The following DAB1 variants were observed in gnomAD, a reference collection of about 807,000 sequenced individuals.
DAB1 encodes the protein DAB adaptor protein 1.
DAB1 carries 15 observed loss-of-function variants against 64.6 expected under a neutral mutation model. The ratio of observed to expected loss-of-function variants is 0.23; its 90% CI spans 0.16 to 0.36. The LOEUF is 0.36. Among genes scored for constraint, DAB1 ranks in the 10% least tolerant of loss-of-function variants. The probability of loss-of-function intolerance (pLI) is 1.00; values close to 1 mark genes in which losing one functional copy is unlikely to be tolerated. For synonymous variants in DAB1, 235 were observed against 251.9 expected (o/e 0.93, Z 0.64); for missense variants, 596 against 706.7 (o/e 0.84, Z 1.78).
chr1:58,489,088 A>G (rs1407257289), intron 3 of DAB1, among the ~76,000 whole-genome samples: 1 of 152,192 alleles, frequency 6.6e-6, no homozygotes, highest in Non-Finnish European at 1.5e-5. Flanking sequence ...ATTGTTGGCC[A>G]GTGGGTGCAG....
chr1:57,019,269 G>A (rs971351105), intron 11 of DAB1, among the ~76,000 whole-genome samples: 6 of 152,114 alleles, frequency 3.9e-5, no homozygotes, highest in African/African-American at 4.8e-5. Flanking sequence ...CATTTTTCCC[G>A]GTGTCTAATT....
chr1:58,074,564 G>GTATATATATA lies in DAB1; in HGVS notation n.387+75937_387+75946dup, dbSNP rs375821412. On this transcript the variant is annotated intron_variant and non_coding_transcript_variant, in intron 5 of 20. Transcript: ENST00000485760. The stretch of plus-strand genomic sequence containing the variant: ...TATATACACACATATATATATGTGT[G>GTATATATATA]TATATATATATATATATATATATAT... 107 of 91,630 alleles carry GTATATATATA rather than the reference G, an allele frequency of 1.2e-3. 2 individuals carry two copies. Among genetic ancestry groups the GTATATATATA allele is most frequent in the African/African-American group, 4.3e-3 (98 of 22,954 alleles). 5.7% of individuals were successfully genotyped at this position (91,630 alleles called of 1,614,324 possible). A position where few individuals can be genotyped will look rare whatever the true frequency, so the allele number is the denominator to read the frequency against.
chr1:57,071,227 C>T (rs372353571), intron 6 of DAB1, 166 bp from the exon 7 acceptor site: 2 of 690,338 alleles, frequency 2.9e-6, no homozygotes. Context: ...TCCTTAGAGC[C>T]ACTCCCACCT....
At chr1:57,493,361 C>A (rs755053923) in intron 7 of DAB1, among the ~76,000 whole-genome samples, 1 of 152,000 alleles carries the variant, frequency 6.6e-6, no homozygotes, top group African/African-American at 2.4e-5. Flanking sequence ...CTATATTGGG[C>A]AACTTGTATG....
intron 2 of DAB1, among the ~76,000 whole-genome samples, chr1:57,199,507 C>T (rs1557922365): frequency 6.6e-6 from 1 of 152,170 alleles, no homozygotes; most frequent in Non-Finnish European, 1.5e-5. Flanking sequence ...GGAAATGTAA[C>T]CATAGCCATG....
chr1:58,300,578 A>G (rs539718089), intron 4 of DAB1, among the ~76,000 whole-genome samples: 12 of 19,522 alleles, frequency 6.1e-4, no homozygotes, highest in African/African-American at 1.7e-3. Flanking sequence ...GAAAGAAAGA[A>G]AGAAAGAAAG....
At chr1:57,626,941 T>C (rs1290992857) in intron 7 of DAB1, among the ~76,000 whole-genome samples, 1 of 152,114 alleles carries the variant, frequency 6.6e-6, no homozygotes, top group African/African-American at 2.4e-5. Context: ...GTGCCATGTG[T>C]GATGGTTAAT....
At chr1:57,237,056 A>C (rs1227895678) in intron 2 of DAB1, among the ~76,000 whole-genome samples, 2 of 152,224 alleles carry the variant, frequency 1.3e-5, no homozygotes, top group Non-Finnish European at 2.9e-5. Context: ...AACAGAGCTA[A>C]AATTTCCCCC....
At chr1:58,159,693 G>T (rs1366310890) in intron 4 of DAB1, among the ~76,000 whole-genome samples, 1 of 152,222 alleles carries the variant, frequency 6.6e-6, no homozygotes, top group Non-Finnish European at 1.5e-5. Flanking sequence ...CGTGGCGGCT[G>T]ATGCTTTCTG....
chr1:57,127,704 AC>A, intron 4 of DAB1, among the ~76,000 whole-genome samples: 1 of 152,124 alleles, frequency 6.6e-6, no homozygotes, highest in East Asian at 1.9e-4. Flanking sequence ...AAGTGACCTA[AC>A]CTTCCTGAGT....
intron 5 of DAB1, among the ~76,000 whole-genome samples, chr1:57,965,206 T>G (rs1645634016): frequency 6.6e-6 from 1 of 152,174 alleles, no homozygotes; most frequent in Admixed American, 6.5e-5. Context: ...GTGTCAGCTT[T>G]CTTTCTATTT....
At chr1:57,961,536 T>C (rs1254060911) in intron 5 of DAB1, among the ~76,000 whole-genome samples, 1 of 152,192 alleles carries the variant, frequency 6.6e-6, no homozygotes, top group African/African-American at 2.4e-5. Flanking sequence ...CAAGAGTCAC[T>C]TCCTAAAACC....
At chr1:58,447,996 G>A (rs1645090710) in intron 3 of DAB1, among the ~76,000 whole-genome samples, 1 of 152,050 alleles carries the variant, frequency 6.6e-6, no homozygotes, top group African/African-American at 2.4e-5. Flanking sequence ...GGAATGGCAT[G>A]TCCTTTTGGT....
At chr1:57,401,445 A>C (rs1183327340) in intron 1 of DAB1, among the ~76,000 whole-genome samples, 1 of 152,242 alleles carries the variant, frequency 6.6e-6, no homozygotes, top group African/African-American at 2.4e-5. Context: ...GGCAACACAC[A>C]TACAAACACC....
chr1:57,877,304 TC>T (rs1316876540), intron 1 of DAB1, among the ~76,000 whole-genome samples: 2 of 152,248 alleles, frequency 1.3e-5, no homozygotes, highest in Middle Eastern at 3.4e-3. Flanking sequence ...GTACCCTCTG[TC>T]CCAGCTAAGG....
At chr1:58,208,333 T>C (rs904247972) in intron 4 of DAB1, among the ~76,000 whole-genome samples, 3 of 152,184 alleles carry the variant, frequency 2.0e-5, no homozygotes, top group Non-Finnish European at 2.9e-5. Flanking sequence ...AAACAGGTGG[T>C]GTCTGGTTAC....
chr1:58,481,978 T>A (rs939341278), intron 3 of DAB1, among the ~76,000 whole-genome samples: 2 of 152,226 alleles, frequency 1.3e-5, no homozygotes, highest in African/African-American at 4.8e-5. Context: ...GAGAATGGAC[T>A]AATATACTTA....
At chr1:58,483,413 G>A (rs1056846113) in intron 3 of DAB1, among the ~76,000 whole-genome samples, 1 of 152,166 alleles carries the variant, frequency 6.6e-6, no homozygotes, top group Non-Finnish European at 1.5e-5. Flanking sequence ...TAAGTGAATG[G>A]GGTCAGGGCA....
At chr1:57,056,521 GAAAAA>G (rs983064351) in intron 9 of DAB1, among the ~76,000 whole-genome samples, 1 of 138,430 alleles carries the variant, frequency 7.2e-6, no homozygotes, top group Non-Finnish European at 1.6e-5. Flanking sequence ...AAAAAAAAAA[GAAAAA>G]AAAGAAAAGA....
Sources: gnomAD v4.1 joint callset for allele counts (sites outside exome capture counted in the v4.1 genomes callset) on GRCh38, gnomAD v4.1.1 for gene constraint, MANE v1.5 for transcripts, NCBI Gene and HGNC (gene_info 2026-07-23, HGNC 2026-07-21) for gene names.